VRK2: variants seen among roughly 807,000 people sequenced by gnomAD.
VRK2 encodes VRK serine/threonine kinase 2.
Under a neutral mutation model 57.6 loss-of-function variants are expected in VRK2, and 60 were observed. The observed-to-expected ratio is 1.04, with a 90% CI of 0.85 to 1.29. The LOEUF is 1.29. Among genes scored for constraint, VRK2 ranks in the 50% most tolerant of loss-of-function variants. The probability of loss-of-function intolerance (pLI) is 0.00; values close to 1 mark genes in which losing one functional copy is unlikely to be tolerated. For missense variants in VRK2, 705 were observed against 588.1 expected (o/e 1.20, Z -2.06); for synonymous variants, 231 against 199.2 (o/e 1.16, Z -1.35).
At chr2:57,987,322 C>T (rs1453712230) in intron 1 of VRK2, among the ~76,000 whole-genome samples, 1 of 152,000 alleles carries the variant, frequency 6.6e-6, no homozygotes, top group Non-Finnish European at 1.5e-5. Context: ...AGAAGACAAA[C>T]AATCCAATAA....
chr2:58,093,026 G>T (rs566920798), intron 7 of VRK2, among the ~76,000 whole-genome samples: 7 of 152,128 alleles, frequency 4.6e-5, no homozygotes, highest in Non-Finnish European at 1.0e-4. Flanking sequence ...GTATTCCATG[G>T]TATATATGTG....
chr2:58,071,597 A>T (rs904386872), intron 2 of VRK2, among the ~76,000 whole-genome samples: 3 of 151,996 alleles, frequency 2.0e-5, no homozygotes, highest in African/African-American at 7.2e-5. Flanking sequence ...TTGACTGCCT[A>T]TTTATATTTG....
intron 7 of VRK2, among the ~76,000 whole-genome samples, chr2:58,098,583 C>G (rs1673498598): frequency 6.6e-6 from 1 of 151,924 alleles, no homozygotes; most frequent in African/African-American, 2.4e-5. Context: ...GCAGTATTTA[C>G]TATAGTAACA....
At chr2:58,012,363 T>C (rs1673440022) in intron 1 of VRK2, among the ~76,000 whole-genome samples, 1 of 152,190 alleles carries the variant, frequency 6.6e-6, no homozygotes, top group African/African-American at 2.4e-5. Flanking sequence ...AAGAACCCTC[T>C]CTTGGGGTCT....
chr2:58,087,046 AT>A (rs1671735685), intron 5 of VRK2, among the ~76,000 whole-genome samples: 1 of 152,218 alleles, frequency 6.6e-6, no homozygotes, highest in South Asian at 2.1e-4. Flanking sequence ...TTATAGAAAT[AT>A]CTTTAAAACC....
chr2:58,001,936 T>C (rs1248863225), intron 1 of VRK2, among the ~76,000 whole-genome samples: 3 of 152,168 alleles, frequency 2.0e-5, no homozygotes, highest in African/African-American at 4.8e-5. Flanking sequence ...GACTTTAAGA[T>C]CATGATATTC....
At chr2:57,934,152 C>A (rs1670828444) in intron 1 of VRK2, among the ~76,000 whole-genome samples, 1 of 152,086 alleles carries the variant, frequency 6.6e-6, no homozygotes, top group African/African-American at 2.4e-5. Flanking sequence ...AATCATTATA[C>A]TAGAGTTGGA....
chr2:58,055,448 C>CCTCTT (rs1385564814), intron 2 of VRK2, among the ~76,000 whole-genome samples: 1 of 152,214 alleles, frequency 6.6e-6, no homozygotes, highest in East Asian at 1.9e-4. Flanking sequence ...GCTCCTGTGG[C>CCTCTT]TGTGTCAGGC....
intron 2 of VRK2, chr2:58,058,373 C>G (rs1177634690): frequency 2.1e-6 from 1 of 470,648 alleles, no homozygotes; most frequent in Admixed American, 2.4e-5. Flanking sequence ...ATTTTTCTCT[C>G]TCCAATGCTT....
intron 12 of VRK2, among the ~76,000 whole-genome samples, chr2:58,148,558 G>GT (rs1682511698): frequency 6.6e-6 from 1 of 151,476 alleles, no homozygotes; most frequent in South Asian, 2.1e-4. Context: ...TTTGTCGTTT[G>GT]TTTGTTTTTC....
At chr2:57,944,464 C>T (rs1470151486) in intron 1 of VRK2, among the ~76,000 whole-genome samples, 2 of 152,174 alleles carry the variant, frequency 1.3e-5, no homozygotes, top group African/African-American at 2.4e-5. Flanking sequence ...TGGCCGGGCG[C>T]GGTGGCTCAC....
Position 57,926,430 on chromosome 2 carries a change from C to CAT in VRK2, c.-439+18600_-439+18601dup, listed in dbSNP as rs774763951. 5.2e-3 allele frequency among the ~76,000 whole-genome samples: 517 copies of CAT among 99,728 alleles called. 2 individuals are homozygous for CAT. The highest frequency in any genetic ancestry group is 6.5e-3 in the Non-Finnish European group (322 of 49,494). The allele number at this position is 99,728 out of a possible 152,430, so 65.4% of individuals were successfully genotyped here. ...TCCTCCAGTGTCACATATATATATA[C>CAT]ATATATATATGTGTGTGTGTGTGTG... On this transcript the variant is annotated intron_variant, in intron 1 of 15. Coordinates refer to the VRK2 transcript ENST00000417641.
At chr2:57,970,319 A>C (rs963465903) in intron 1 of VRK2, among the ~76,000 whole-genome samples, 1 of 151,254 alleles carries the variant, frequency 6.6e-6, no homozygotes, top group Non-Finnish European at 1.5e-5. Context: ...TTTTCTGTAA[A>C]AATATAAGCC....
chr2:58,006,119 T>C (rs965084652), intron 1 of VRK2, among the ~76,000 whole-genome samples: 2 of 152,170 alleles, frequency 1.3e-5, no homozygotes. Flanking sequence ...CCAGAAGAAC[T>C]ACTTGAGTTT....
chr2:58,086,561 G>T, intron 5 of VRK2, 135 bp downstream of exon 5: 1 of 671,300 alleles, frequency 1.5e-6, no homozygotes, highest in South Asian at 2.5e-5. Flanking sequence ...CTTAGTTTCT[G>T]TGAGTGAGGA....
chr2:58,117,510 C>T (rs778058907), intron 7 of VRK2, among the ~76,000 whole-genome samples: 3 of 151,904 alleles, frequency 2.0e-5, no homozygotes, highest in Non-Finnish European at 2.9e-5. Context: ...AAAGACTCAG[C>T]GACGCTTGGG....
At chr2:58,066,936 A>G (rs1668687645) in intron 2 of VRK2, among the ~76,000 whole-genome samples, 1 of 152,150 alleles carries the variant, frequency 6.6e-6, no homozygotes, top group Non-Finnish European at 1.5e-5. Context: ...GCAGATTAAC[A>G]TTTGAGTCAG....
chr2:58,066,129 T>TA (rs754342293), intron 2 of VRK2, among the ~76,000 whole-genome samples: 11 of 152,196 alleles, frequency 7.2e-5, no homozygotes, highest in East Asian at 1.9e-4. Context: ...GGCTAGGACT[T>TA]ACAGTGATTT....
intron 1 of VRK2, among the ~76,000 whole-genome samples, chr2:58,019,894 G>T (rs1411664850): frequency 4.6e-5 from 7 of 152,008 alleles, no homozygotes; most frequent in African/African-American, 1.7e-4. Flanking sequence ...TTTAGAAGGC[G>T]AATACAAATA....
Sources: allele counts gnomAD v4.1 joint callset (sites outside exome capture counted in the v4.1 genomes callset), GRCh38; gene constraint gnomAD v4.1.1; transcripts MANE v1.5; gene names NCBI Gene and HGNC (gene_info 2026-07-23, HGNC 2026-07-21).